TBC1D19: variants seen among roughly 807,000 people sequenced by gnomAD.
TBC1D19 encodes TBC1 domain family, member 19.
Under a neutral mutation model 89.0 loss-of-function variants are expected in TBC1D19, and 60 were observed. The ratio of observed to expected loss-of-function variants is 0.67; its 90% CI spans 0.55 to 0.84. The LOEUF (loss-of-function observed/expected upper bound fraction) is 0.84, where lower values mean the gene tolerates loss of function less well. Among genes scored for constraint, TBC1D19 ranks in the 40% least tolerant of loss-of-function variants. TBC1D19 has a pLI of 0.00. For missense variants in TBC1D19, 500 were observed against 610.8 expected (o/e 0.82, Z 1.91); for synonymous variants, 189 against 199.7 (o/e 0.95, Z 0.45).
chr4:26,816,286 A>T, the TBC1D19 span, among the ~76,000 whole-genome samples: 1 of 152,196 alleles, frequency 6.6e-6, no homozygotes, highest in Non-Finnish European at 1.5e-5. Flanking sequence ...CACCGCAATT[A>T]TCTGTGATTT....
At chr4:26,658,530 A>G (rs1206312858) in intron 7 of TBC1D19, among the ~76,000 whole-genome samples, 1 of 152,178 alleles carries the variant, frequency 6.6e-6, no homozygotes, top group Non-Finnish European at 1.5e-5. Context: ...TGATGCCTCC[A>G]GCTTTGTTCT....
At chr4:26,651,208 T>C (rs1577874563) in intron 7 of TBC1D19, among the ~76,000 whole-genome samples, 1 of 152,246 alleles carries the variant, frequency 6.6e-6, no homozygotes. Flanking sequence ...GGCTCTTTTT[T>C]GGTTCCATGC....
At chr4:26,630,326 T>A (rs910933407) in intron 4 of TBC1D19, among the ~76,000 whole-genome samples, 1 of 152,054 alleles carries the variant, frequency 6.6e-6, no homozygotes, top group African/African-American at 2.4e-5. Flanking sequence ...AAAAGGTAGA[T>A]GTCTTCCTAT....
intron 7 of TBC1D19, among the ~76,000 whole-genome samples, chr4:26,657,047 CCT>C (rs1744896834): frequency 1.9e-5 from 2 of 103,766 alleles, no homozygotes; most frequent in African/African-American, 3.1e-5. Flanking sequence ...CTTTCTTCTT[CCT>C]CTTCTTGTTC....
the TBC1D19 span, among the ~76,000 whole-genome samples, chr4:26,797,681 T>G: frequency 6.6e-6 from 1 of 152,194 alleles, no homozygotes; most frequent in Non-Finnish European, 1.5e-5. Flanking sequence ...AGCATGGTGC[T>G]GCTACAAAAT....
At chr4:26,798,486 G>A in the TBC1D19 span, among the ~76,000 whole-genome samples, 28 of 152,188 alleles carry the variant, frequency 1.8e-4, 1 homozygote, top group South Asian at 4.6e-3. Context: ...ATGGAAAATG[G>A]TATGGAGATT....
chr4:26,681,390 C>CAA (rs1242846983), intron 11 of TBC1D19, among the ~76,000 whole-genome samples: 13 of 143,168 alleles, frequency 9.1e-5, no homozygotes, highest in African/African-American at 3.3e-4. Context: ...ATACAAAAAA[C>CAA]AAAAAAAAAA....
At position 26,748,541 on chromosome 4, in the gene TBC1D19, T is replaced by G. The variant is rs763317565; in HGVS notation, c.1435+15T>G. 1.5e-5 allele frequency: 24 copies of G among 1,567,428 alleles called. No homozygotes were observed. The Admixed American group carries it at 3.7e-4, about 24-fold the overall frequency. ...AATTCTTGCTGGTAAGAGTAAATGCTTGTTTGTAGAACACATGCTGTTTCT... is the reference window on the plus strand; with the variant it reads ...AATTCTTGCTGGTAAGAGTAAATGCGTGTTTGTAGAACACATGCTGTTTCT... On this transcript the variant is annotated intron_variant, in intron 19 of 20. Coordinates refer to ENST00000264866, the MANE Select transcript of TBC1D19 (RefSeq NM_018317.4).
At chr4:26,794,471 G>C in the TBC1D19 span, among the ~76,000 whole-genome samples, 1 of 151,830 alleles carries the variant, frequency 6.6e-6, no homozygotes, top group Middle Eastern at 3.2e-3. Context: ...TAAAAAAGGA[G>C]GTACAACCAT....
chr4:26,720,151 T>C (rs753591249), intron 15 of TBC1D19, 26 bp downstream of exon 15: 1 of 1,540,786 alleles, frequency 6.5e-7, no homozygotes, highest in South Asian at 1.3e-5. Flanking sequence ...TTGCTTCCTC[T>C]AGTGGGAAGT....
At chr4:26,757,993 C>T (rs1175011604), downstream of TBC1D19, among the ~76,000 whole-genome samples, 1 of 152,158 alleles carries the variant, frequency 6.6e-6, no homozygotes, top group African/African-American at 2.4e-5. Context: ...TGTACTTCAG[C>T]CTCTCCAGAT....
At chr4:26,748,604 G>A (rs1035528235) in intron 19 of TBC1D19, 78 bp downstream of exon 19, 34 of 1,035,080 alleles carry the variant, frequency 3.3e-5, no homozygotes, top group East Asian at 9.6e-5. Context: ...TTCACCATCC[G>A]TAACTGGAAT....
the TBC1D19 span, among the ~76,000 whole-genome samples, chr4:26,830,892 T>A: frequency 6.6e-6 from 1 of 152,200 alleles, no homozygotes; most frequent in African/African-American, 2.4e-5. Flanking sequence ...CTCTTGAAAC[T>A]ATACACACAG....
At chr4:26,663,650 A>C (rs563737297) in intron 8 of TBC1D19, among the ~76,000 whole-genome samples, 1 of 152,184 alleles carries the variant, frequency 6.6e-6, no homozygotes, top group Non-Finnish European at 1.5e-5. Flanking sequence ...AATTTTCAAG[A>C]AATTGTAGCT....
chr4:26,761,540 A>T, the TBC1D19 span, among the ~76,000 whole-genome samples: 1 of 152,166 alleles, frequency 6.6e-6, no homozygotes, highest in African/African-American at 2.4e-5. Context: ...TTGATATTTT[A>T]TATTGACCTT....
In TBC1D19 at chr4:26,623,535, T is replaced by C. The variant is rs73114627; in HGVS notation, c.294+2847T>C. ...TTCAAGCTTCCACAGCTTCCTTCTT[T>C]TTTGTTGCCACATCTCTTTTTGCTC... On this transcript the variant is annotated intron_variant, in intron 4 of 20. Transcript: ENST00000264866. 1.7e-3 allele frequency among the ~76,000 whole-genome samples: 260 copies of C among 152,306 alleles called. 2 individuals carry two copies. Among genetic ancestry groups the C allele is most frequent in the African/African-American group, 5.9e-3 (247 of 41,560 alleles).
chr4:26,654,322 C>A (rs547139330), intron 7 of TBC1D19, among the ~76,000 whole-genome samples: 1 of 152,260 alleles, frequency 6.6e-6, no homozygotes, highest in South Asian at 2.1e-4. Context: ...TCCTTCATTT[C>A]AACTTTGGTG....
At chr4:26,840,141 G>T in the TBC1D19 span, among the ~76,000 whole-genome samples, 1 of 151,822 alleles carries the variant, frequency 6.6e-6, no homozygotes, top group African/African-American at 2.4e-5. Context: ...GAGTGCAGTG[G>T]TGTGACCTCA....
chr4:26,694,995 T>G (rs1444336293), intron 13 of TBC1D19, among the ~76,000 whole-genome samples: 1 of 152,158 alleles, frequency 6.6e-6, no homozygotes, highest in Non-Finnish European at 1.5e-5. Context: ...CCACTCCCCT[T>G]CTAAAGGAAT....
Sources: gnomAD v4.1 joint callset for allele counts (sites outside exome capture counted in the v4.1 genomes callset) on GRCh38, gnomAD v4.1.1 for gene constraint, MANE v1.5 for transcripts, NCBI Gene and HGNC (gene_info 2026-07-23, HGNC 2026-07-21) for gene names.